KATNAL2: variants seen among roughly 807,000 people sequenced by gnomAD.
The protein encoded by KATNAL2 is katanin catalytic subunit A1 like 2.
A neutral mutation model predicts 76.3 loss-of-function variants in KATNAL2; 52 were observed. That is an observed-to-expected ratio of 0.68 (90% CI 0.55 to 0.86). The LOEUF is 0.86. Ranked by LOEUF, KATNAL2 falls within the 40% of genes least tolerant of loss-of-function variation. The pLI is 0.00. For missense variants in KATNAL2, 660 were observed against 668.9 expected, an observed-to-expected ratio of 0.99 and a Z score of 0.15; for synonymous variants, 243 against 244.2, an observed-to-expected ratio of 1.00 and a Z score of 0.05.
chr18:47,073,824 A>G (rs2062092067), intron 13 of KATNAL2, among the ~76,000 whole-genome samples: 1 of 152,218 alleles, frequency 6.6e-6, no homozygotes, highest in South Asian at 2.1e-4. Context: ...TGCTTCCAGA[A>G]ACACTTACCC....
intron 3 of KATNAL2, chr18:47,033,436 C>T (rs1244890837): frequency 1.2e-6 from 2 of 1,613,768 alleles, no homozygotes; most frequent in Non-Finnish European, 1.7e-6. Context: ...GTCCGGAAGC[C>T]GCAGGTACTG....
At chr18:46,948,842 C>A (rs151129566) in intron 3 of KATNAL2, among the ~76,000 whole-genome samples, 1 of 151,792 alleles carries the variant, frequency 6.6e-6, no homozygotes, top group East Asian at 1.9e-4. Flanking sequence ...GACAATGGAT[C>A]AACTGATTAC....
intron 1 of KATNAL2, among the ~76,000 whole-genome samples, chr18:46,944,076 G>A (rs973742128): frequency 1.3e-5 from 2 of 152,220 alleles, no homozygotes; most frequent in African/African-American, 2.4e-5. Flanking sequence ...GTTTAGAGTA[G>A]CAGGTCTAGT....
At chr18:47,053,621 G>A (rs1032340885) in intron 5 of KATNAL2, among the ~76,000 whole-genome samples, 12 of 152,222 alleles carry the variant, frequency 7.9e-5, no homozygotes, top group Non-Finnish European at 1.5e-4. Flanking sequence ...AAGTCTGTAA[G>A]TGGGGGAAGT....
chr18:46,920,198 G>A, intron 1 of KATNAL2: 4 of 550,186 alleles, frequency 7.3e-6, no homozygotes, highest in Middle Eastern at 3.1e-4. Context: ...ATTAAGGACT[G>A]TTATGTCATT....
At position 47,099,339 on chromosome 18, in the gene KATNAL2, G is replaced by T. The variant is rs756705366; in HGVS notation, c.1308G>T (p.Leu436=). 1.9e-6 allele frequency: 3 copies of T among 1,614,166 alleles called. No individual in the cohort carries two copies. Among genetic ancestry groups the T allele is most frequent in the Admixed American group, 3.3e-5 (2 of 60,034 alleles). ...GGCAGGCCATGATCTACCACTGGCTGCCTCCTGTGAGCAAGAGCAGGGCCT... is the reference window on the plus strand; with the variant it reads ...GGCAGGCCATGATCTACCACTGGCTTCCTCCTGTGAGCAAGAGCAGGGCCT... The part of the protein sequence containing the change: ...EARQAMIYHW[L]PPVSKSRALE... Residue 436 remains leucine (L), a synonymous_variant, in exon 16 of 18, where the codon CTG becomes CTT. Transcript: ENST00000683218.
intron 3 of KATNAL2, among the ~76,000 whole-genome samples, chr18:47,043,245 A>AAAAAAAAAAAAAAAAT (rs376877321): frequency 0.01 from 937 of 93,046 alleles, 175 homozygotes; most frequent in Non-Finnish European, 0.015. Flanking sequence ...AAAAAAAAAA[A>AAAAAAAAAAAAAAAAT]GAGATCCTAA....
At chr18:47,048,870 T>C (rs1305055345) in intron 4 of KATNAL2, among the ~76,000 whole-genome samples, 1 of 125,634 alleles carries the variant, frequency 8.0e-6, no homozygotes, top group Non-Finnish European at 1.6e-5. Context: ...AGTCTCACTC[T>C]CTCGCCCAGC....
At chr18:46,955,259 C>T (rs1263375125) in intron 3 of KATNAL2, among the ~76,000 whole-genome samples, 2 of 149,586 alleles carry the variant, frequency 1.3e-5, no homozygotes, top group Non-Finnish European at 3.0e-5. Context: ...TCTTGTTGCC[C>T]AGGCTGGAGT....
At chr18:47,077,259 CT>C (rs2062280127) in intron 14 of KATNAL2, 91 bp from the exon 15 acceptor site, 1 of 950,198 alleles carries the variant, frequency 1.1e-6, no homozygotes, top group Non-Finnish European at 1.7e-6. Flanking sequence ...AGAAACTGTT[CT>C]ACAGTCACAG....
intron 3 of KATNAL2, chr18:47,032,830 G>A: frequency 1.6e-6 from 2 of 1,265,834 alleles, no homozygotes; most frequent in East Asian, 2.5e-5. Context: ...GTAGTGGCTG[G>A]GTGTGGGAGG....
chr18:46,931,136 T>TAATAATAATAATA (rs1179170299), intron 1 of KATNAL2, among the ~76,000 whole-genome samples: 1 of 132,768 alleles, frequency 7.5e-6, no homozygotes, highest in South Asian at 2.4e-4. Flanking sequence ...ATAATAATAA[T>TAATAATAATAATA]AATAAATAAA....
intron 15 of KATNAL2, among the ~76,000 whole-genome samples, chr18:47,096,684 A>C (rs1165567965): frequency 6.6e-6 from 1 of 152,198 alleles, no homozygotes; most frequent in East Asian, 1.9e-4. Flanking sequence ...TCTATCCTAG[A>C]AAATCAAATA....
At chr18:47,087,639 A>AC (rs1196154742) in intron 15 of KATNAL2, among the ~76,000 whole-genome samples, 2 of 151,994 alleles carry the variant, frequency 1.3e-5, no homozygotes, top group Non-Finnish European at 2.9e-5. Flanking sequence ...TGTACAACAA[A>AC]CCCCCATGAC....
intron 5 of KATNAL2, among the ~76,000 whole-genome samples, chr18:47,053,389 T>C (rs1379863151): frequency 6.6e-6 from 1 of 152,258 alleles, no homozygotes; most frequent in Non-Finnish European, 1.5e-5. Flanking sequence ...GAAGACTTTT[T>C]TTGTTTTTAG....
At chr18:47,096,780 GA>G (rs1237844193) in intron 15 of KATNAL2, among the ~76,000 whole-genome samples, 1 of 152,150 alleles carries the variant, frequency 6.6e-6, no homozygotes, top group African/African-American at 2.4e-5. Flanking sequence ...GCTGATGAGG[GA>G]AAGCTCTGCT....
intron 15 of KATNAL2, among the ~76,000 whole-genome samples, chr18:47,097,415 T>C (rs1194759194): frequency 2.0e-5 from 3 of 152,118 alleles, no homozygotes; most frequent in African/African-American, 7.2e-5. Context: ...CTGATGAATA[T>C]GAAAACACAT....
intron 1 of KATNAL2, among the ~76,000 whole-genome samples, chr18:46,942,941 T>C (rs1372808234): frequency 6.6e-6 from 1 of 152,178 alleles, no homozygotes. Context: ...GGTTTTATTT[T>C]GTCAGGCAGA....
At chr18:46,938,955 G>C (rs1012706915) in intron 1 of KATNAL2, among the ~76,000 whole-genome samples, 1 of 152,126 alleles carries the variant, frequency 6.6e-6, no homozygotes, top group African/African-American at 2.4e-5. Context: ...TCCTTTGCTA[G>C]CATATAAGTT....
Sources: gnomAD v4.1 joint callset for allele counts (sites outside exome capture counted in the v4.1 genomes callset) on GRCh38, gnomAD v4.1.1 for gene constraint, MANE v1.5 for transcripts, NCBI Gene and HGNC (gene_info 2026-07-23, HGNC 2026-07-21) for gene names.